Variants in SERPINA6 observed in about 807,000 individuals in gnomAD.
The protein encoded by SERPINA6 is serpin family A member 6, also known as corticosteroid-binding globulin.
A neutral mutation model predicts 26.4 loss-of-function variants in SERPINA6; 19 were observed. The observed-to-expected ratio is 0.72, with a 90% CI of 0.50 to 1.06. The LOEUF (loss-of-function observed/expected upper bound fraction) is 1.06, where lower values mean the gene tolerates loss of function less well. Among genes scored for constraint, SERPINA6 ranks in the 50% least tolerant of loss-of-function variants. The probability of loss-of-function intolerance (pLI) is 0.00; values close to 1 mark genes in which losing one functional copy is unlikely to be tolerated. For missense variants in SERPINA6, 473 were observed against 504.0 expected (o/e 0.94, Z 0.59); for synonymous variants, 196 against 199.4 (o/e 0.98, Z 0.14).
intron 1 of SERPINA6, among the ~76,000 whole-genome samples, chr14:94,321,551 G>A (rs1173696006): frequency 2.0e-5 from 3 of 152,186 alleles, no homozygotes; most frequent in Non-Finnish European, 4.4e-5. Flanking sequence ...AGCAAGACAG[G>A]TCACTGCAGT....
At chr14:94,307,225 C>T (rs1437429181) in intron 3 of SERPINA6, among the ~76,000 whole-genome samples, 3 of 152,162 alleles carry the variant, frequency 2.0e-5, no homozygotes, top group African/African-American at 7.2e-5. Flanking sequence ...CTCTCTCTGT[C>T]TCTCTCACAC....
intron 2 of SERPINA6, 187 bp downstream of exon 2, chr14:94,313,849 C>CA (rs1566728120): frequency 1.3e-6 from 1 of 785,504 alleles, no homozygotes; most frequent in African/African-American, 1.7e-5. Context: ...TTCTGGGTGT[C>CA]ATTTTGATCT....
intron 1 of SERPINA6, 134 bp from the exon 2 acceptor site, chr14:94,314,801 A>C: frequency 1.2e-6 from 1 of 804,772 alleles, no homozygotes; most frequent in Admixed American, 2.0e-5. Flanking sequence ...GACCTGGAGC[A>C]CATCACAGAG....
intron 3 of SERPINA6, among the ~76,000 whole-genome samples, chr14:94,307,273 C>T (rs918804897): frequency 6.6e-6 from 1 of 152,040 alleles, no homozygotes; most frequent in African/African-American, 2.4e-5. Context: ...CCTATGAAGT[C>T]GGAATCAACA....
Position 94,311,736 on chromosome 14 carries a change from G to A in SERPINA6, c.614-1730C>T, listed in dbSNP as rs113578960. 4.4e-3 allele frequency among the ~76,000 whole-genome samples: 669 copies of A among 152,144 alleles called. 7 individuals carry two copies. Among genetic ancestry groups the A allele is most frequent in the African/African-American group, 0.015 (643 of 41,506 alleles). On this transcript the variant is annotated intron_variant, in intron 2 of 4. Coordinates refer to ENST00000341584, the MANE Select transcript of SERPINA6 (RefSeq NM_001756.4). The stretch of plus-strand genomic sequence containing the variant: ...GGGTGGATCATGAGGTCAGGAGATC[G>A]AGACCGTCCTGGCTAACGTGGTGAA...
At chr14:94,313,363 C>T (rs1895559501) in intron 2 of SERPINA6, among the ~76,000 whole-genome samples, 1 of 152,336 alleles carries the variant, frequency 6.6e-6, no homozygotes, top group Non-Finnish European at 1.5e-5. Flanking sequence ...TTGAGATGGG[C>T]AGCCTATTCT....
intron 1 of SERPINA6, among the ~76,000 whole-genome samples, chr14:94,320,276 C>T (rs1012202863): frequency 6.6e-6 from 1 of 152,172 alleles, no homozygotes; most frequent in Non-Finnish European, 1.5e-5. Flanking sequence ...AAAGCTGCCT[C>T]CTCATGTAGC....
intron 4 of SERPINA6, 29 bp from the exon 5 acceptor site, chr14:94,304,632 T>C (rs753605044): frequency 6.3e-7 from 1 of 1,585,090 alleles, no homozygotes; most frequent in Non-Finnish European, 8.7e-7. Flanking sequence ...AGATGGGTAG[T>C]GAGACCTGCT....
chr14:94,306,170 G>T lies in SERPINA6; in HGVS notation c.933C>A (p.Asp311Glu), dbSNP rs925933723. ...IPKVTISGVY[D>E]LGDVLEEMGI... ...CCATTTCCTCCAGCACATCTCCGAG[G>T]TCATAGACTCCAGAGATGGTGACCT... The change falls in exon 4 of 5, where the codon GAC becomes GAA. Residue 311 changes from aspartate (D) to glutamate (E), a missense_variant. Physicochemically the swap from Asp to Glu is conservative, Grantham distance 45. Coordinates refer to ENST00000341584, the MANE Select transcript of SERPINA6 (RefSeq NM_001756.4). 6 of 1,614,194 alleles carry T rather than the reference G, an allele frequency of 3.7e-6. 1 individual carries two copies. The South Asian group carries it at 4.4e-5, about 12-fold the overall frequency.
intron 1 of SERPINA6, 138 bp from the exon 2 acceptor site, chr14:94,314,805 C>T: frequency 3.9e-6 from 3 of 768,656 alleles, no homozygotes; most frequent in Non-Finnish European, 6.6e-6. Flanking sequence ...TGGAGCACAT[C>T]ACAGAGGGCG....
intron 1 of SERPINA6, among the ~76,000 whole-genome samples, chr14:94,320,966 C>T (rs1430719013): frequency 6.6e-6 from 1 of 152,098 alleles, no homozygotes; most frequent in African/African-American, 2.4e-5. Flanking sequence ...ATTCTTTTGT[C>T]GCGAAACCCA....
chr14:94,313,083 A>C lies in SERPINA6; in HGVS notation c.613+953T>G, dbSNP rs74077633. On this transcript the variant is annotated intron_variant, in intron 2 of 4. Transcript: ENST00000341584. ...GGGCAAACTGTTGAGCATGCATATG[A>C]GGGCAAAGTCTTTCCTGGGTGACTC... is the stretch of plus-strand genomic sequence containing the variant. Among the ~76,000 whole-genome samples, 831 of 152,336 alleles carry C rather than the reference A, an allele frequency of 5.5e-3. 7 individuals carry two copies. The highest frequency in any genetic ancestry group is 0.019 in the African/African-American group (808 of 41,568).
At chr14:94,308,102 T>C (rs1172387267) in intron 3 of SERPINA6, among the ~76,000 whole-genome samples, 1 of 152,246 alleles carries the variant, frequency 6.6e-6, no homozygotes, top group Non-Finnish European at 1.5e-5. Flanking sequence ...TGACTTCATG[T>C]CGGGTCTGGA....
chr14:94,307,154 AAAGG>A (rs1895452680), intron 3 of SERPINA6, among the ~76,000 whole-genome samples: 1 of 152,188 alleles, frequency 6.6e-6, no homozygotes, highest in South Asian at 2.1e-4. Flanking sequence ...TAACAGAAAG[AAAGG>A]AAGGGAGACC....
chr14:94,321,365 CA>C (rs1284927997), intron 1 of SERPINA6, among the ~76,000 whole-genome samples: 1 of 152,178 alleles, frequency 6.6e-6, no homozygotes, highest in Non-Finnish European at 1.5e-5. Context: ...TAATGTAGCC[CA>C]GGGGGTCTTT....
chr14:94,312,297 G>A (rs1371195583), intron 2 of SERPINA6, among the ~76,000 whole-genome samples: 1 of 152,168 alleles, frequency 6.6e-6, no homozygotes, highest in Non-Finnish European at 1.5e-5. Context: ...ATGACACCAG[G>A]CCAGCACCCG....
Position 94,307,570 on chromosome 14 carries a change from ATT to A in SERPINA6, c.885-1354_885-1353del, listed in dbSNP as rs143748251. 7.7e-3 allele frequency among the ~76,000 whole-genome samples: 1,177 copies of A among 152,348 alleles called. 18 individuals carry two copies. The highest frequency in any genetic ancestry group is 0.027 in the African/African-American group (1,128 of 41,584). ...TTCAGTGGAGTATGAGCTGGAATGC[ATT>A]GTTTGCATCATGGTGCGTTATCACC... On this transcript the variant is annotated intron_variant, in intron 3 of 4. Coordinates refer to ENST00000341584, the MANE Select transcript of SERPINA6 (RefSeq NM_001756.4).
chr14:94,315,232 G>A (rs1266540848), intron 1 of SERPINA6, among the ~76,000 whole-genome samples: 1 of 152,158 alleles, frequency 6.6e-6, no homozygotes, highest in Non-Finnish European at 1.5e-5. Flanking sequence ...GCAATTATAA[G>A]TTATGTTTTT....
chr14:94,320,103 G>A (rs899541148), intron 1 of SERPINA6, among the ~76,000 whole-genome samples: 1 of 152,152 alleles, frequency 6.6e-6, no homozygotes, highest in African/African-American at 2.4e-5. Context: ...TGTGCTGTGT[G>A]GAGCTACCTG....
Sources: allele counts gnomAD v4.1 joint callset (sites outside exome capture counted in the v4.1 genomes callset), GRCh38; gene constraint gnomAD v4.1.1; transcripts MANE v1.5; gene names NCBI Gene and HGNC (gene_info 2026-07-23, HGNC 2026-07-21).